The following SLC26A4 variants were observed in gnomAD, a reference collection of about 807,000 sequenced individuals.
SLC26A4 encodes solute carrier family 26 member 4.
Under a neutral mutation model 90.4 loss-of-function variants are expected in SLC26A4, and 93 were observed. The observed-to-expected ratio is 1.03, with a 90% CI of 0.87 to 1.22. The LOEUF is 1.22. SLC26A4 is among the 50% of genes most tolerant of loss of function. The probability of loss-of-function intolerance (pLI) is 0.00; values close to 1 mark genes in which losing one functional copy is unlikely to be tolerated. For synonymous variants in SLC26A4, 393 were observed against 354.6 expected (o/e 1.11, Z -1.22); for missense variants, 1,127 against 946.2 (o/e 1.19, Z -2.51).
At chr7:107,701,482 T>C (rs928491446) in intron 16 of SLC26A4, among the ~76,000 whole-genome samples, 1 of 152,196 alleles carries the variant, frequency 6.6e-6, no homozygotes, top group Admixed American at 6.5e-5. Flanking sequence ...AGGAACAAAA[T>C]AAGTGCAAAT....
intron 8 of SLC26A4, among the ~76,000 whole-genome samples, chr7:107,684,055 A>G (rs1791329210): frequency 6.6e-6 from 1 of 152,214 alleles, no homozygotes; most frequent in African/African-American, 2.4e-5. Flanking sequence ...AAGGTCCTTC[A>G]TTCATCTCTG....
chr7:107,668,361 C>T (rs1022977173), intron 3 of SLC26A4, among the ~76,000 whole-genome samples: 3 of 152,202 alleles, frequency 2.0e-5, no homozygotes, highest in African/African-American at 4.8e-5. Context: ...GCCTCGTGAG[C>T]ACAAATAAAT....
At chr7:107,670,093 T>G (rs1216234326) in intron 3 of SLC26A4, among the ~76,000 whole-genome samples, 1 of 148,478 alleles carries the variant, frequency 6.7e-6, no homozygotes, top group Non-Finnish European at 1.5e-5. Context: ...ACTTCATATT[T>G]TATTCAAAAT....
rs562580444 is a variant in SLC26A4 at position 107,675,215 on chromosome 7, C to T, written c.765+106C>T. 303 of 1,142,770 alleles carry T rather than the reference C, an allele frequency of 2.7e-4. 1 individual carries two copies. Among genetic ancestry groups the T allele is most frequent in the Non-Finnish European group, 3.7e-4 (287 of 767,252 alleles). The allele number at this position is 1,142,770 out of a possible 1,614,324, so 70.8% of individuals were successfully genotyped here. Reference sequence around the variant, plus strand: ...GCGTGGTGGCTCACACCTGTAATCCCAGCACTTTGGAAGGCCGAGGTGGGC... The same window carrying T: ...GCGTGGTGGCTCACACCTGTAATCCTAGCACTTTGGAAGGCCGAGGTGGGC... On this transcript the variant is annotated intron_variant, in intron 6 of 20. Coordinates refer to ENST00000644269, the MANE Select transcript of SLC26A4 (RefSeq NM_000441.2).
Position 107,663,408 on chromosome 7 carries a change from A to C in SLC26A4, c.277A>C (p.Ser93Arg), listed in dbSNP as rs1318905318. ...WLLSDVISGV[S>R]TGLVATLQGM... Reference sequence around the variant, plus strand: ...GCTTAGTGACGTCATTTCGGGAGTTAGTACTGGGCTAGTGGCCACGCTGCA... The same window carrying C: ...GCTTAGTGACGTCATTTCGGGAGTTCGTACTGGGCTAGTGGCCACGCTGCA... The change falls in exon 3 of 21, where the codon AGT becomes CGT. Residue 93 changes from serine (S) to arginine (R), a missense_variant. Coordinates refer to ENST00000644269, the MANE Select transcript of SLC26A4 (RefSeq NM_000441.2). 1.2e-6 allele frequency: 2 copies of C among 1,613,996 alleles called. No homozygotes were observed. The highest frequency in any genetic ancestry group is 2.7e-5 in the African/African-American group (2 of 74,922).
At chr7:107,699,797 C>T (rs1408758813) in intron 14 of SLC26A4, among the ~76,000 whole-genome samples, 1 of 151,764 alleles carries the variant, frequency 6.6e-6, no homozygotes, top group Admixed American at 6.6e-5. Flanking sequence ...GGTGTGGTGG[C>T]AGCACCTGTA....
At chr7:107,679,820 A>T (rs1357924642) in intron 6 of SLC26A4, among the ~76,000 whole-genome samples, 1 of 130,326 alleles carries the variant, frequency 7.7e-6, no homozygotes. Flanking sequence ...ATTATTATAT[A>T]ATATAATCTT....
chr7:107,706,201 T>C (rs1421300078), intron 18 of SLC26A4, among the ~76,000 whole-genome samples: 1 of 152,240 alleles, frequency 6.6e-6, no homozygotes, highest in Non-Finnish European at 1.5e-5. Context: ...GACCAATTTG[T>C]TTACAAAATA....
rs754540558 is a variant in SLC26A4 at position 107,672,145 on chromosome 7, A to C, written c.312A>C (p.Ala104=). The part of the protein sequence containing the change: ...TGLVATLQGM[A]YALLAAVPVG... ...CTTTGCATGTGCTTTCAGGGATGGC[A>C]TATGCCCTACTAGCTGCAGTTCCTG... Residue 104 remains alanine, a synonymous_variant, in exon 4 of 21, where the codon GCA becomes GCC. Coordinates refer to ENST00000644269, the MANE Select transcript of SLC26A4 (RefSeq NM_000441.2). The C allele has an allele frequency of 2.4e-5, 38 of 1,606,040 alleles. No individual in the cohort carries two copies. The highest frequency in any genetic ancestry group is 3.2e-5 in the Non-Finnish European group (38 of 1,172,716).
chr7:107,703,819 A>G (rs1006220384), intron 17 of SLC26A4, among the ~76,000 whole-genome samples: 8 of 152,222 alleles, frequency 5.3e-5, no homozygotes, highest in African/African-American at 1.9e-4. Context: ...TTATTTTGAC[A>G]TAATTGTAAA....
chr7:107,697,976 T>C, intron 13 of SLC26A4, 66 bp from the exon 14 acceptor site: 1 of 1,028,740 alleles, frequency 9.7e-7, no homozygotes, highest in Admixed American at 1.7e-5. Flanking sequence ...TAGCTGTTGT[T>C]TTTAACTTTT....
intron 3 of SLC26A4, 140 bp from the exon 4 acceptor site, chr7:107,671,998 A>G: frequency 2.9e-6 from 2 of 684,028 alleles, no homozygotes; most frequent in Non-Finnish European, 5.4e-6. Context: ...ATGGTTACTT[A>G]AAGTATGGTT....
Position 107,661,303 on chromosome 7 carries a change from G to A in SLC26A4, c.-3-336G>A, listed in dbSNP as rs1790540243. 2.5e-6 allele frequency: 1 copy of A among 406,020 alleles called. No homozygotes were observed. Among genetic ancestry groups the A allele is most frequent in the South Asian group, 2.8e-5 (1 of 35,968 alleles). The allele number at this position is 406,020 out of a possible 1,614,324, so 25.2% of individuals were successfully genotyped here. ...CTCGGTTTGGGGGAGATTTCAGAAC[G>A]CGGACAGCGCCCTGGCTGCGGGCCA... On this transcript the variant is annotated intron_variant, in intron 1 of 20. Coordinates refer to ENST00000644269, the MANE Select transcript of SLC26A4 (RefSeq NM_000441.2). The surrounding 1 kb of genome is among the most constrained non-coding windows in gnomAD (Gnocchi z 5.1).
At chr7:107,675,285 T>TAAAAAAA (rs60022317) in intron 6 of SLC26A4, among the ~76,000 whole-genome samples, 176 bp downstream of exon 6, 3 of 96,772 alleles carry the variant, frequency 3.1e-5, no homozygotes, top group Admixed American at 1.2e-4. Context: ...CCTCATCTCT[T>TAAAAAAA]AAAAAAAAAA....
intron 3 of SLC26A4, among the ~76,000 whole-genome samples, chr7:107,671,121 G>A (rs925547649): frequency 2.0e-5 from 3 of 152,212 alleles, no homozygotes; most frequent in Non-Finnish European, 4.4e-5. Flanking sequence ...AACTGCCTCT[G>A]TGCAAAACTG....
rs745818088 is a variant in SLC26A4 at position 107,674,244 on chromosome 7, A to G, written c.496A>G (p.Ser166Gly). 1 of 1,614,128 alleles carries G rather than the reference A, an allele frequency of 6.2e-7. No homozygotes were observed. ...APDEHFLVSS[S>G]NGTVLNTTMI... is the part of the protein sequence containing the mutation. ...CGACGAACACTTTCTCGTATCCAGC[A>G]GCAATGGAACTGTATTAAATACTAC... Residue 166 changes from serine (S) to glycine (G), a missense_variant, in exon 5 of 21, where the codon AGC (serine) becomes GGC (glycine). Transcript: ENST00000644269.
intron 19 of SLC26A4, among the ~76,000 whole-genome samples, chr7:107,712,067 T>C (rs981902066): frequency 1.3e-5 from 2 of 152,230 alleles, no homozygotes; most frequent in Non-Finnish European, 2.9e-5. Context: ...CTTTTCTGAA[T>C]AACCAACTTG....
At chr7:107,680,196 TTATTATATAATATAATCTTATA>T (rs1791179321) in intron 6 of SLC26A4, among the ~76,000 whole-genome samples, 1 of 62,976 alleles carries the variant, frequency 1.6e-5, no homozygotes, top group Non-Finnish European at 3.2e-5. Flanking sequence ...TAATCTTATC[TTATTATATAATATAATCTTATA>T]ATATAATCTT....
chr7:107,688,954 A>G, intron 8 of SLC26A4, 99 bp from the exon 9 acceptor site: 2 of 1,232,378 alleles, frequency 1.6e-6, no homozygotes, highest in Non-Finnish European at 2.4e-6. Context: ...AAGTACTTTC[A>G]TGTCTAATAT....
Sources: gnomAD v4.1 joint callset for allele counts (sites outside exome capture counted in the v4.1 genomes callset) on GRCh38, gnomAD v4.1.1 for gene constraint, Gnocchi (gnomAD v3.1) non-coding constraint, MANE v1.5 for transcripts, NCBI Gene and HGNC (gene_info 2026-07-23, HGNC 2026-07-21) for gene names.